The following L3MBTL4 variants were observed in gnomAD, a reference collection of about 807,000 sequenced individuals.
L3MBTL4 encodes L3MBTL histone methyl-lysine binding protein 4, also known as lethal(3)malignant brain tumor-like protein 4.
In L3MBTL4, 70 loss-of-function variants were observed where a neutral mutation model predicts 84.5. The observed-to-expected ratio is 0.83, with a 90% CI of 0.68 to 1.01. L3MBTL4 has a LOEUF of 1.01. L3MBTL4 is among the 50% of genes least tolerant of loss of function. L3MBTL4 has a pLI of 0.00. For missense variants in L3MBTL4, 715 were observed against 754.8 expected (o/e 0.95, Z 0.62); for synonymous variants, 274 against 259.8 (o/e 1.05, Z -0.52).
In L3MBTL4 at chr18:5,975,362, C is replaced by T. The variant is rs544967963; in HGVS notation, c.1445-5800G>A. Among the ~76,000 whole-genome samples, 14 of 152,254 alleles carry T rather than the reference C, an allele frequency of 9.2e-5. No individual in the cohort carries two copies. The South Asian group carries it at 2.1e-3, about 23-fold the overall frequency. ...AAGGAGGAAATAAAAAAAATGCAGT[C>T]GGTCCCCAAATCCAATTATGTGATT... On this transcript the variant is annotated intron_variant, in intron 16 of 18. Coordinates refer to ENST00000317931, the MANE Select transcript of L3MBTL4 (RefSeq NM_001330559.2).
At chr18:5,985,310 T>C (rs924149880) in intron 16 of L3MBTL4, among the ~76,000 whole-genome samples, 1 of 152,166 alleles carries the variant, frequency 6.6e-6, no homozygotes, top group African/African-American at 2.4e-5. Flanking sequence ...TAACATAATG[T>C]TGCAGGTAAA....
intron 1 of L3MBTL4, among the ~76,000 whole-genome samples, chr18:6,378,041 T>C (rs1455763749): frequency 6.6e-6 from 1 of 152,196 alleles, no homozygotes; most frequent in African/African-American, 2.4e-5. Flanking sequence ...TATCTCATTG[T>C]GGTTTTGATT....
chr18:5,968,954 G>C (rs1313030855), intron 17 of L3MBTL4, among the ~76,000 whole-genome samples: 3 of 152,126 alleles, frequency 2.0e-5, no homozygotes, highest in African/African-American at 4.8e-5. Flanking sequence ...AGACCACAGG[G>C]CAACTGGCAA....
intron 3 of L3MBTL4, 24 bp downstream of exon 3, chr18:6,311,530 A>T: frequency 6.3e-7 from 1 of 1,596,596 alleles, no homozygotes; most frequent in Non-Finnish European, 8.6e-7. Context: ...ACTGTGAGGA[A>T]GGGTCCAGGG....
chr18:5,957,748 G>A (rs1044389091), intron 18 of L3MBTL4, among the ~76,000 whole-genome samples: 3 of 151,912 alleles, frequency 2.0e-5, no homozygotes, highest in African/African-American at 7.3e-5. Context: ...TTGAGGTCAC[G>A]AGTTTGAGAC....
At chr18:6,159,708 C>T (rs1157519130) in intron 13 of L3MBTL4, among the ~76,000 whole-genome samples, 2 of 152,194 alleles carry the variant, frequency 1.3e-5, no homozygotes, top group African/African-American at 4.8e-5. Context: ...CCATACCCCA[C>T]CAGCCCTTGT....
chr18:6,254,412 CTTTTTTTTTT>C (rs763440464), intron 5 of L3MBTL4, among the ~76,000 whole-genome samples: 7 of 112,728 alleles, frequency 6.2e-5, no homozygotes, highest in Admixed American at 9.0e-5. Context: ...AAAGTGACAC[CTTTTTTTTTT>C]TTTTTTTTTT....
intron 7 of L3MBTL4, among the ~76,000 whole-genome samples, chr18:6,242,395 T>G (rs927494624): frequency 3.9e-5 from 6 of 152,120 alleles, no homozygotes; most frequent in Non-Finnish European, 8.8e-5. Context: ...GCCACCGCCA[T>G]TATCCTTCTC....
chr18:6,136,123 G>A (rs1367211146), intron 14 of L3MBTL4, among the ~76,000 whole-genome samples: 2 of 152,178 alleles, frequency 1.3e-5, no homozygotes, highest in East Asian at 3.8e-4. Flanking sequence ...CACAAGAATA[G>A]CACGGGAAAT....
intron 16 of L3MBTL4, among the ~76,000 whole-genome samples, chr18:5,980,430 C>CTTT (rs10664833): frequency 0.31 from 38,006 of 122,324 alleles, 6,349 homozygotes; most frequent in East Asian, 0.52. Context: ...TTAGTTTGCG[C>CTTT]TTTTTTTTTT....
chr18:5,978,169 G>A (rs745973080), intron 16 of L3MBTL4, among the ~76,000 whole-genome samples: 10 of 152,176 alleles, frequency 6.6e-5, no homozygotes, highest in Admixed American at 1.3e-4. Context: ...ATCCTGTGGT[G>A]TCTTACTTGT....
At chr18:6,190,099 G>T (rs75369730) in intron 12 of L3MBTL4, among the ~76,000 whole-genome samples, 13,655 of 152,106 alleles carry the variant, frequency 0.09, 639 homozygotes, top group Middle Eastern at 0.14. Flanking sequence ...GCACATTAAG[G>T]CAAAAACAAA....
At chr18:6,056,398 A>G (rs2057022200) in intron 16 of L3MBTL4, among the ~76,000 whole-genome samples, 1 of 152,130 alleles carries the variant, frequency 6.6e-6, no homozygotes, top group Non-Finnish European at 1.5e-5. Flanking sequence ...GAGCACACAC[A>G]CCACATGGGC....
intron 1 of L3MBTL4, among the ~76,000 whole-genome samples, chr18:6,405,620 A>C (rs2055699788): frequency 6.6e-6 from 1 of 151,454 alleles, no homozygotes; most frequent in Non-Finnish European, 1.5e-5. Context: ...GGGCCCACTA[A>C]ACACAGGGGC....
At chr18:6,215,023 G>T (rs1272872823) in intron 11 of L3MBTL4, among the ~76,000 whole-genome samples, 1 of 152,018 alleles carries the variant, frequency 6.6e-6, no homozygotes, top group East Asian at 1.9e-4. Context: ...TTCAAAAAAT[G>T]AAATATCATT....
At chr18:6,353,543 C>T (rs1370578857) in intron 1 of L3MBTL4, among the ~76,000 whole-genome samples, 1 of 151,846 alleles carries the variant, frequency 6.6e-6, no homozygotes, top group Non-Finnish European at 1.5e-5. Context: ...TTTGGAAAAA[C>T]CTAAAGACTC....
intron 12 of L3MBTL4, among the ~76,000 whole-genome samples, chr18:6,185,475 G>T (rs756974886): frequency 4.6e-5 from 7 of 152,170 alleles, no homozygotes; most frequent in Non-Finnish European, 8.8e-5. Context: ...CTCCCTCACT[G>T]CAGGCTGCAG....
At chr18:6,197,745 T>G (rs79042568) in intron 12 of L3MBTL4, among the ~76,000 whole-genome samples, 1,655 of 152,346 alleles carry the variant, frequency 0.011, 30 homozygotes, top group African/African-American at 0.037. Context: ...TCTGTGATTC[T>G]GTCATCCACC....
At chr18:6,321,691 T>C (rs1329933197) in intron 1 of L3MBTL4, among the ~76,000 whole-genome samples, 1 of 152,164 alleles carries the variant, frequency 6.6e-6, no homozygotes, top group African/African-American at 2.4e-5. Flanking sequence ...ATGTGGTATA[T>C]ATACACCATG....
Sources: gnomAD v4.1 joint callset for allele counts (sites outside exome capture counted in the v4.1 genomes callset) on GRCh38, gnomAD v4.1.1 for gene constraint, MANE v1.5 for transcripts, NCBI Gene and HGNC (gene_info 2026-07-23, HGNC 2026-07-21) for gene names.